Variants in RAN observed in about 807,000 individuals in gnomAD.
RAN encodes GTP-binding nuclear protein Ran.
Under a neutral mutation model 26.8 loss-of-function variants are expected in RAN, and 2 were observed. That is an observed-to-expected ratio of 0.07 (90% CI 0.03 to 0.23). The LOEUF is 0.23. RAN is among the 10% of genes least tolerant of loss of function. The probability of loss-of-function intolerance (pLI) is 1.00; values close to 1 mark genes in which losing one functional copy is unlikely to be tolerated. For missense variants in RAN, 56 were observed against 264.8 expected, an observed-to-expected ratio of 0.21 and a Z score of 5.47; for synonymous variants, 132 against 95.9, an observed-to-expected ratio of 1.38 and a Z score of -2.20.
At chr12:130,873,954 C>T (rs948914175) in intron 4 of RAN, 1 of 315,068 alleles carries the variant, frequency 3.2e-6, no homozygotes, top group Non-Finnish European at 6.7e-6. Context: ...CTCAAGCCAT[C>T]CTCTTACCTC....
In RAN at chr12:130,876,081, G is replaced by C; in HGVS notation, c.*155G>C. On this transcript the variant is annotated 3_prime_UTR_variant, in exon 7 of 7. Transcript: ENST00000543796. ...CTGAAGGAGATGAGTGGGCTTCGGA[G>C]TGAATGTGGCAGTTTAAAAAATAAC... 1 of 757,596 alleles carries C rather than the reference G, an allele frequency of 1.3e-6. No homozygotes were observed. The highest frequency in any genetic ancestry group is 2.1e-6 in the Non-Finnish European group (1 of 466,406). The allele number at this position is 757,596 out of a possible 1,614,324, so 46.9% of individuals were successfully genotyped here.
At chr12:130,873,568 T>C (rs546460657) in intron 4 of RAN, 1 of 172,870 alleles carries the variant, frequency 5.8e-6, no homozygotes, top group South Asian at 1.2e-4. Context: ...TCTTGTTAAA[T>C]TGTTTGTACT....
chr12:130,876,037 G>A lies in RAN; in HGVS notation c.*111G>A, dbSNP rs1366259670. ...ATTATTATCTAGCTAAGCGGAACAT[G>A]TGCTTCATCTGTGGGATGCTGAAGG... On this transcript the variant is annotated 3_prime_UTR_variant, in exon 7 of 7. Transcript: ENST00000543796. The A allele has an allele frequency of 5.4e-6, 6 of 1,116,656 alleles. No homozygotes were observed. Among genetic ancestry groups the A allele is most frequent in the Non-Finnish European group, 6.6e-6 (5 of 755,056 alleles). 69.2% of individuals were successfully genotyped at this position (1,116,656 alleles called of 1,614,324 possible).
rs1010883953 is a variant in RAN, at chr12:130,874,786, A to G, written c.435+53A>G. ...ATTTCTCTTAGCGGAGATTATATGT[A>G]AGACCATGAAATTAACCAGTGTCTA... On this transcript the variant is annotated intron_variant, in intron 5 of 6. Coordinates refer to ENST00000543796, the MANE Select transcript of RAN (RefSeq NM_006325.5). The G allele has an allele frequency of 6.3e-6, 9 of 1,427,078 alleles. No individual in the cohort carries two copies. The African/African-American group carries it at 1.3e-4, about 20-fold the overall frequency. The allele number at this position is 1,427,078 out of a possible 1,614,324, so 88.4% of individuals were successfully genotyped here.
intron 2 of RAN, 68 bp downstream of exon 2, chr12:130,872,697 G>C (rs1409789620): frequency 6.5e-7 from 1 of 1,543,866 alleles, no homozygotes; most frequent in African/African-American, 1.4e-5. Flanking sequence ...CCCTCCTCCT[G>C]GGGCCACGAT....
intron 1 of RAN, 25 bp from the exon 2 acceptor site, chr12:130,872,559 T>C: frequency 6.9e-7 from 1 of 1,442,692 alleles, no homozygotes; most frequent in South Asian, 1.5e-5. Context: ...GCGCGAGCGC[T>C]CGCCTCCGTC....
intron 5 of RAN, among the ~76,000 whole-genome samples, chr12:130,875,188 G>C (rs1426965413): frequency 2.0e-5 from 3 of 151,998 alleles, no homozygotes; most frequent in South Asian, 4.1e-4. Flanking sequence ...GGGTTTCACT[G>C]TTGGCCCGGT....
chr12:130,875,737 T>G lies in RAN; in HGVS notation c.561T>G (p.Val187=), dbSNP rs1413361116. 7 of 1,614,014 alleles carry G rather than the reference T, an allele frequency of 4.3e-6. No individual in the cohort carries two copies. The African/African-American group carries it at 9.3e-5, about 22-fold the overall frequency. Residue 187 remains valine (V), a synonymous_variant, in exon 6 of 7, where the codon GTT becomes GTG. Transcript: ENST00000543796. ...VAMPALAPPE[V]VMDPALAAQY... ...TGCCTGCTCTCGCCCCACCAGAAGT[T>G]GTCATGGACCCAGCTTTGGCAGCAC...
rs374596726 is a variant in RAN, at chr12:130,874,506, A to G, written c.248-40A>G. 63 of 1,460,716 alleles carry G rather than the reference A, an allele frequency of 4.3e-5. No individual in the cohort carries two copies. The African/African-American group carries it at 7.4e-4, about 17-fold the overall frequency. The allele number at this position is 1,460,716 out of a possible 1,614,324, so 90.5% of individuals were successfully genotyped here. ...GGTTCTTAGCATTCTTCACTTGTGC[A>G]GTAAACTGAGTGTACTAATTCCCAC... On this transcript the variant is annotated intron_variant, in intron 4 of 6. Transcript: ENST00000543796.
In RAN at chr12:130,877,302, A is replaced by T. The variant is rs1953265878; in HGVS notation, c.*1376A>T. 6.6e-6 allele frequency: 1 copy of T among 152,196 alleles called. No individual in the cohort carries two copies. The highest frequency in any genetic ancestry group is 1.5e-5 in the Non-Finnish European group (1 of 68,044). 9.4% of individuals were successfully genotyped at this position (152,196 alleles called of 1,614,324 possible). A position where few individuals can be genotyped will look rare whatever the true frequency, so the allele number is the denominator to read the frequency against. ...TAGAAAGGATCACTTAAATATATGG[A>T]AAAATGAAATAAGGGTGAAGCTGAA... On this transcript the variant is annotated 3_prime_UTR_variant, in exon 7 of 7. Transcript: ENST00000543796.
intron 4 of RAN, chr12:130,873,402 TAAC>T (rs1953175786): frequency 8.4e-6 from 3 of 358,094 alleles, no homozygotes; most frequent in Middle Eastern, 8.9e-4. Context: ...AATAGGCTGT[TAAC>T]AGCAGTTTCA....
At chr12:130,874,050 T>C (rs1161757190) in intron 4 of RAN, 1 of 377,500 alleles carries the variant, frequency 2.6e-6, no homozygotes, top group Non-Finnish European at 5.4e-6. Context: ...GGATTCACCA[T>C]GTTGCCCATG....
chr12:130,872,227 C>G (rs1953146967), intron 1 of RAN, 101 bp downstream of exon 1: 1 of 154,986 alleles, frequency 6.5e-6, no homozygotes, highest in South Asian at 1.6e-4. Context: ...GGGTGGCGGA[C>G]CCAGGGGCAG....
At position 130,872,895 on chromosome 12, in the gene RAN, T is replaced by G. The variant is rs753782419; in HGVS notation, c.96T>G (p.Thr32=). The G allele has an allele frequency of 1.2e-6, 2 of 1,614,130 alleles. No individual in the cohort carries two copies. The highest frequency in any genetic ancestry group is 2.7e-5 in the African/African-American group (2 of 74,944). ...GKTTFVKRHL[T]GEFEKKYVAT... ...CGACCTTCGTGAAACGTCATTTGACTGGTGAATTTGAGAAGAAGTATGTAG... is the reference window on the plus strand; with the variant it reads ...CGACCTTCGTGAAACGTCATTTGACGGGTGAATTTGAGAAGAAGTATGTAG... Residue 32 remains threonine (T), a synonymous_variant, in exon 3 of 7, where the codon ACT becomes ACG. Coordinates refer to ENST00000543796, the MANE Select transcript of RAN (RefSeq NM_006325.5).
At chr12:130,874,286 CT>C in intron 4 of RAN, 1 of 398,364 alleles carries the variant, frequency 2.5e-6, no homozygotes. Flanking sequence ...GCATTAATTA[CT>C]TCAGATACTT....
Position 130,875,867 on chromosome 12 carries a change from C to T in RAN, c.607-15C>T. On this transcript the variant is annotated splice_polypyrimidine_tract_variant and intron_variant, in intron 6 of 6. Transcript: ENST00000543796. ...TTGATCTGGAGTGTTAACGTTTTTCCATCTCTTCGTCTAGGTTGCTCAGAC... is the reference window on the plus strand; with the variant it reads ...TTGATCTGGAGTGTTAACGTTTTTCTATCTCTTCGTCTAGGTTGCTCAGAC... The T allele has an allele frequency of 2.5e-6, 4 of 1,614,136 alleles. No individual in the cohort carries two copies. Among genetic ancestry groups the T allele is most frequent in the African/African-American group, 1.3e-5 (1 of 75,034 alleles).
intron 1 of RAN, 137 bp from the exon 2 acceptor site, chr12:130,872,447 C>T (rs1326153912): frequency 1.8e-5 from 7 of 398,482 alleles, no homozygotes; most frequent in East Asian, 9.3e-5. Flanking sequence ...CCTTCCCGCT[C>T]CCAGGCCTGG....
At position 130,876,905 on chromosome 12, in the gene RAN, CTA is replaced by C. The variant is rs2136405233; in HGVS notation, c.*980_*981del. ...CATTTAAGTTCTTCAGCAGTTCACA[CTA>C]CACCGTTTTTTTGTTTTTTTTTCCC... On this transcript the variant is annotated 3_prime_UTR_variant, in exon 7 of 7. Coordinates refer to ENST00000543796, the MANE Select transcript of RAN (RefSeq NM_006325.5). The C allele has an allele frequency of 6.6e-6, 1 of 152,234 alleles. No individual in the cohort carries two copies. The highest frequency in any genetic ancestry group is 2.4e-5 in the African/African-American group (1 of 41,532). The allele number at this position is 152,234 out of a possible 1,614,324, so 9.4% of individuals were successfully genotyped here. A position where few individuals can be genotyped will look rare whatever the true frequency, so the allele number is the denominator to read the frequency against.
intron 5 of RAN, among the ~76,000 whole-genome samples, chr12:130,875,110 G>A (rs1159048678): frequency 6.6e-6 from 1 of 152,178 alleles, no homozygotes; most frequent in Non-Finnish European, 1.5e-5. Context: ...ACAGGCATGA[G>A]CCACTGTGCC....
Sources: gnomAD v4.1 joint callset for allele counts (sites outside exome capture counted in the v4.1 genomes callset) on GRCh38, gnomAD v4.1.1 for gene constraint, MANE v1.5 for transcripts, NCBI Gene and HGNC (gene_info 2026-07-23, HGNC 2026-07-21) for gene names.